FOCAD: variants seen among roughly 807,000 people sequenced by gnomAD.
FOCAD encodes focadhesin, also known as KIAA1797.
Under a neutral mutation model 225.6 loss-of-function variants are expected in FOCAD, and 198 were observed. That is an observed-to-expected ratio of 0.88 (90% CI 0.78 to 0.99). FOCAD has a LOEUF of 0.99. FOCAD is among the 50% of genes least tolerant of loss of function. The pLI is 0.00. For missense variants in FOCAD, 2,713 were observed against 2,123.6 expected (o/e 1.28, Z -5.46); for synonymous variants, 897 against 755.0 (o/e 1.19, Z -3.08).
At chr9:20,708,576 C>T (rs1049806934) in intron 1 of FOCAD, among the ~76,000 whole-genome samples, 5 of 151,776 alleles carry the variant, frequency 3.3e-5, no homozygotes, top group African/African-American at 4.8e-5. Flanking sequence ...TTGAGACCAG[C>T]CCGAGGAACA....
chr9:20,964,418 G>A (rs927880927), intron 35 of FOCAD, among the ~76,000 whole-genome samples: 2 of 151,970 alleles, frequency 1.3e-5, no homozygotes, highest in African/African-American at 4.8e-5. Context: ...AATAATAATA[G>A]CAATGATTAA....
rs1469852567 is a variant in FOCAD at position 20,951,014 on chromosome 9, G to T, written c.3967G>T (p.Val1323Leu). 1.2e-6 allele frequency: 2 copies of T among 1,613,290 alleles called. No individual in the cohort carries two copies. The highest frequency in any genetic ancestry group is 2.2e-5 in the East Asian group (1 of 44,882). The change falls in exon 34 of 44, where the codon GTG (valine) becomes TTG (leucine). Residue 1323 changes from valine to leucine, a missense_variant. Val to Leu is a conservative substitution (Grantham distance 32). Transcript: ENST00000338382. ...TTTGTAGGTCATTAGTGTCTCTGGG[G>T]TGATTGGTCTCCAGTCAAATGCAGT... is the stretch of plus-strand genomic sequence containing the variant. ...TLTQVISVSG[V>L]IGLQSNAVWL...
chr9:20,843,611 C>A (rs980761548), intron 15 of FOCAD, among the ~76,000 whole-genome samples: 13 of 151,992 alleles, frequency 8.6e-5, no homozygotes, highest in African/African-American at 3.1e-4. Context: ...GCTTGGTGTT[C>A]CATAACCTTT....
intron 7 of FOCAD, among the ~76,000 whole-genome samples, chr9:20,767,742 T>C (rs912164862): frequency 6.8e-6 from 1 of 146,092 alleles, no homozygotes; most frequent in African/African-American, 2.5e-5. Flanking sequence ...GTCAGATGAG[T>C]AGGTTGCGAA....
chr9:20,904,275 G>A (rs1832776499), intron 21 of FOCAD, among the ~76,000 whole-genome samples: 1 of 151,894 alleles, frequency 6.6e-6, no homozygotes, highest in South Asian at 2.1e-4. Context: ...TATATACCTA[G>A]GTGTGGAATT....
intron 15 of FOCAD, among the ~76,000 whole-genome samples, chr9:20,859,911 G>C (rs1363415509): frequency 6.6e-6 from 1 of 151,826 alleles, no homozygotes; most frequent in South Asian, 2.1e-4. Flanking sequence ...GAGGAGCTTA[G>C]GGGACAATCA....
At chr9:20,875,700 A>G (rs1385524390) in intron 19 of FOCAD, 1 of 152,098 alleles carries the variant, frequency 6.6e-6, no homozygotes, top group Non-Finnish European at 1.5e-5. Flanking sequence ...TATATGCCCT[A>G]CCCAAGAAAT....
intron 35 of FOCAD, among the ~76,000 whole-genome samples, chr9:20,966,252 G>A (rs1246057317): frequency 6.6e-6 from 1 of 151,914 alleles, no homozygotes; most frequent in Non-Finnish European, 1.5e-5. Flanking sequence ...GGTACCTCAC[G>A]TGATTTGGGT....
chr9:20,879,265 A>G lies in FOCAD; in HGVS notation c.2318-2606A>G, dbSNP rs1184375858. 3.3e-5 allele frequency among the ~76,000 whole-genome samples: 5 copies of G among 152,324 alleles called. No homozygotes were observed. In the East Asian group the frequency reaches 9.6e-4, roughly 29 times the overall value. Reference sequence around the variant, plus strand: ...CCTAACAGATGCAACTATCCTGTGTACAACTGAAAATGCACTAATTCCCTC... The same window carrying G: ...CCTAACAGATGCAACTATCCTGTGTGCAACTGAAAATGCACTAATTCCCTC... On this transcript the variant is annotated intron_variant, in intron 19 of 43. Transcript: ENST00000338382.
At chr9:20,765,429 G>C (rs1215221209) in intron 7 of FOCAD, among the ~76,000 whole-genome samples, 1 of 151,524 alleles carries the variant, frequency 6.6e-6, no homozygotes, top group Non-Finnish European at 1.5e-5. Flanking sequence ...AAAGACCTCT[G>C]TGCACATTGG....
chr9:20,957,386 A>G (rs1229207105), intron 35 of FOCAD: 1 of 151,950 alleles, frequency 6.6e-6, no homozygotes, highest in Non-Finnish European at 1.5e-5. Flanking sequence ...TGACTATAGA[A>G]TATTTCATCA....
At chr9:20,695,194 A>G (rs1168652499) in intron 1 of FOCAD, among the ~76,000 whole-genome samples, 2 of 151,882 alleles carry the variant, frequency 1.3e-5, no homozygotes, top group Non-Finnish European at 1.5e-5. Context: ...ATTAGTGGCA[A>G]ATTTTTTTTT....
At chr9:20,656,016 G>A (rs1821470553), upstream of FOCAD, among the ~76,000 whole-genome samples, 1 of 151,814 alleles carries the variant, frequency 6.6e-6, no homozygotes, top group South Asian at 2.1e-4. Context: ...CTTTATTTCT[G>A]CCTTCATTTT....
upstream of FOCAD, among the ~76,000 whole-genome samples, chr9:20,656,569 A>G (rs1821482293): frequency 6.6e-6 from 1 of 151,594 alleles, no homozygotes; most frequent in Admixed American, 6.6e-5. Flanking sequence ...GTTGGTTTAA[A>G]GTCTGTTTTA....
At chr9:20,714,656 C>T (rs1470111010) in intron 1 of FOCAD, among the ~76,000 whole-genome samples, 2 of 143,690 alleles carry the variant, frequency 1.4e-5, no homozygotes, top group African/African-American at 5.6e-5. Context: ...TCCTTCCTTC[C>T]TTCCTTCCTT....
chr9:20,903,079 C>T (rs192504067), intron 21 of FOCAD, among the ~76,000 whole-genome samples: 39 of 151,938 alleles, frequency 2.6e-4, no homozygotes, highest in African/African-American at 3.6e-4. Context: ...ACCAGCACCA[C>T]GGTCAAGATG....
intron 4 of FOCAD, among the ~76,000 whole-genome samples, chr9:20,723,281 A>C (rs7046718): frequency 0.013 from 1,940 of 152,336 alleles, 43 homozygotes; most frequent in African/African-American, 0.044. Context: ...TGAGGTCAGG[A>C]GTTCGAGACC....
chr9:20,866,917 T>TTTTTAAAAAAAA lies in FOCAD; in HGVS notation c.2107-12_2107-11insTTTTAAAAAAAA. 6 of 764,966 alleles carry TTTTTAAAAAAAA rather than the reference T, an allele frequency of 7.8e-6. No individual in the cohort carries two copies. The highest frequency in any genetic ancestry group is 1.2e-5 in the Non-Finnish European group (6 of 498,462). The allele number at this position is 764,966 out of a possible 1,614,324, so 47.4% of individuals were successfully genotyped here. A position where few individuals can be genotyped will look rare whatever the true frequency, so the allele number is the denominator to read the frequency against. ...TTTTTTTTTTTTTTTTTTTTTTTTT[T>TTTTTAAAAAAAA]ACCCTATCTAGGACCCAATTGTAGC... On this transcript the variant is annotated splice_polypyrimidine_tract_variant and intron_variant, in intron 17 of 43. Transcript: ENST00000338382.
intron 37 of FOCAD, among the ~76,000 whole-genome samples, chr9:20,980,094 T>C (rs973409873): frequency 1.3e-5 from 2 of 151,850 alleles, no homozygotes; most frequent in Admixed American, 1.3e-4. Context: ...AGTATTGCCT[T>C]TCTAAAATAA....
Sources: allele counts gnomAD v4.1 joint callset (sites outside exome capture counted in the v4.1 genomes callset), GRCh38; gene constraint gnomAD v4.1.1; transcripts MANE v1.5; gene names NCBI Gene and HGNC (gene_info 2026-07-23, HGNC 2026-07-21).